MCTP1: variants seen among roughly 807,000 people sequenced by gnomAD.
MCTP1 encodes the protein multiple C2 and transmembrane domain containing 1.
A neutral mutation model predicts 120.6 loss-of-function variants in MCTP1; 69 were observed. The ratio of observed to expected loss-of-function variants is 0.57; its 90% CI spans 0.47 to 0.70. MCTP1 has a LOEUF of 0.70. Among genes scored for constraint, MCTP1 ranks in the 30% least tolerant of loss-of-function variants. The pLI, the probability that MCTP1 is intolerant of heterozygous loss-of-function variation, is 0.00. For synonymous variants in MCTP1, 529 were observed against 493.1 expected (o/e 1.07, Z -0.96); for missense variants, 1,203 against 1,248.8 (o/e 0.96, Z 0.55).
intron 1 of MCTP1, among the ~76,000 whole-genome samples, chr5:95,121,936 C>CAAAAAA (rs70978167): frequency 2.9e-4 from 33 of 112,572 alleles, no homozygotes; most frequent in East Asian, 6.1e-4. Context: ...TATCCATATG[C>CAAAAAA]AAAAAAAAAA....
chr5:94,844,281 G>A (rs181031135), intron 17 of MCTP1, among the ~76,000 whole-genome samples: 2,506 of 117,560 alleles, frequency 0.021, 80 homozygotes, highest in African/African-American at 0.078. Flanking sequence ...CAGCCTGGGC[G>A]ACAGAGTGAG....
intron 18 of MCTP1, chr5:94,793,718 T>C (rs909811725): frequency 2.0e-5 from 3 of 152,282 alleles, no homozygotes; most frequent in African/African-American, 7.2e-5. Context: ...CTGTTAGGAA[T>C]ACTTGACTTA....
chr5:94,811,232 T>C (rs1424594264), intron 17 of MCTP1, among the ~76,000 whole-genome samples: 2 of 152,212 alleles, frequency 1.3e-5, no homozygotes, highest in Non-Finnish European at 2.9e-5. Context: ...TGAATGTCTT[T>C]CTCCCATTTA....
chr5:95,219,428 A>C (rs1262902038), intron 1 of MCTP1, among the ~76,000 whole-genome samples: 1 of 152,166 alleles, frequency 6.6e-6, no homozygotes, highest in African/African-American at 2.4e-5. Context: ...TTTAAAACAC[A>C]AAATTTAGTT....
At chr5:95,006,353 G>T (rs1232346931) in intron 2 of MCTP1, among the ~76,000 whole-genome samples, 1 of 151,146 alleles carries the variant, frequency 6.6e-6, no homozygotes, top group Non-Finnish European at 1.5e-5. Context: ...GTGTATGGGT[G>T]TATTTGTATA....
chr5:95,060,118 C>T (rs1748542172), intron 1 of MCTP1, among the ~76,000 whole-genome samples: 1 of 152,120 alleles, frequency 6.6e-6, no homozygotes, highest in African/African-American at 2.4e-5. Context: ...CCTCACGTGC[C>T]CTCTAGCTCT....
At chr5:95,071,175 C>A (rs1453060947) in intron 1 of MCTP1, among the ~76,000 whole-genome samples, 1 of 152,184 alleles carries the variant, frequency 6.6e-6, no homozygotes, top group Non-Finnish European at 1.5e-5. Flanking sequence ...AAGGCTGTAG[C>A]CACAGGGATC....
chr5:95,040,569 C>T (rs1842170277), intron 1 of MCTP1, among the ~76,000 whole-genome samples: 1 of 152,028 alleles, frequency 6.6e-6, no homozygotes, highest in Non-Finnish European at 1.5e-5. Flanking sequence ...CTTGACAGTG[C>T]CTGGATAAAA....
chr5:94,911,966 T>G (rs1026166972), intron 9 of MCTP1, among the ~76,000 whole-genome samples: 6 of 152,174 alleles, frequency 3.9e-5, no homozygotes, highest in African/African-American at 7.2e-5. Context: ...TAGGTAGGCA[T>G]TATTTTAACT....
intron 1 of MCTP1, among the ~76,000 whole-genome samples, chr5:95,070,063 A>G (rs1345192918): frequency 6.6e-6 from 1 of 152,144 alleles, no homozygotes; most frequent in Non-Finnish European, 1.5e-5. Flanking sequence ...AGAAACCACA[A>G]TAGGGGAAGA....
At chr5:95,137,352 G>A (rs537407081) in intron 1 of MCTP1, among the ~76,000 whole-genome samples, 2 of 152,326 alleles carry the variant, frequency 1.3e-5, no homozygotes, top group South Asian at 2.1e-4. Flanking sequence ...TAACACGATA[G>A]TCCCTGGCTC....
chr5:95,183,251 A>G (rs2152518628), intron 1 of MCTP1, among the ~76,000 whole-genome samples: 1 of 152,088 alleles, frequency 6.6e-6, no homozygotes, highest in East Asian at 1.9e-4. Context: ...ATGAAAAATA[A>G]TAAACCTCAA....
At chr5:94,848,929 T>C (rs1793083713) in intron 17 of MCTP1, among the ~76,000 whole-genome samples, 1 of 151,856 alleles carries the variant, frequency 6.6e-6, no homozygotes, top group Non-Finnish European at 1.5e-5. Context: ...TACTAACAAT[T>C]TGAAATATGT....
intron 19 of MCTP1, among the ~76,000 whole-genome samples, chr5:94,716,133 G>C (rs1211951267): frequency 6.6e-6 from 1 of 152,168 alleles, no homozygotes; most frequent in East Asian, 1.9e-4. Context: ...GGACATGGAG[G>C]CCAGTTTTAT....
chr5:95,284,570 C>G lies in MCTP1; in HGVS notation c.6G>C (p.Glu2Asp). 3 of 1,433,398 alleles carry G rather than the reference C, an allele frequency of 2.1e-6. No homozygotes were observed. Among genetic ancestry groups the G allele is most frequent in the Non-Finnish European group, 2.7e-6 (3 of 1,106,708 alleles). The allele number at this position is 1,433,398 out of a possible 1,614,324, so 88.8% of individuals were successfully genotyped here. A position where few individuals can be genotyped will look rare whatever the true frequency, so the allele number is the denominator to read the frequency against. ...GCTCGCCCGCCGCGGCAGCCCGGGG[C>G]TCCATCCTCCACCCCCTGCTCCTCC... MEPRAAAAGEPE... is the reference protein window; with the variant it reads MDPRAAAAGEPE... The change falls in exon 1 of 23, where the codon GAG becomes GAC. Residue 2 changes from glutamate to aspartate, a missense_variant. This residue lies in a region of MCTP1 where 463 missense variants were observed against 377.8 expected (regional missense o/e 1.23). Coordinates refer to ENST00000515393, the MANE Select transcript of MCTP1 (RefSeq NM_024717.7). The surrounding 1 kb of genome is among the most constrained non-coding windows in gnomAD (Gnocchi z 5.2).
intron 3 of MCTP1, among the ~76,000 whole-genome samples, chr5:94,948,411 C>A (rs1819652065): frequency 6.6e-6 from 1 of 152,120 alleles, no homozygotes; most frequent in Non-Finnish European, 1.5e-5. Context: ...TGCCCACAAT[C>A]CAAAAGCAAG....
chr5:94,847,465 C>T (rs544503937), intron 17 of MCTP1, among the ~76,000 whole-genome samples: 6 of 151,908 alleles, frequency 3.9e-5, no homozygotes, highest in South Asian at 2.1e-4. Context: ...GTCAAATTTC[C>T]GATGTTTTAC....
intron 17 of MCTP1, among the ~76,000 whole-genome samples, chr5:94,835,126 A>T (rs1789443735): frequency 6.6e-6 from 1 of 152,124 alleles, no homozygotes; most frequent in Admixed American, 6.5e-5. Flanking sequence ...CCTATAACGC[A>T]TTCTCATTCT....
chr5:95,252,784 T>C (rs1757501225), intron 1 of MCTP1, among the ~76,000 whole-genome samples: 1 of 152,114 alleles, frequency 6.6e-6, no homozygotes, highest in African/African-American at 2.4e-5. Context: ...GTCATATTCT[T>C]AATTCTCATT....
Sources: allele counts gnomAD v4.1 joint callset (sites outside exome capture counted in the v4.1 genomes callset), GRCh38; gene constraint gnomAD v4.1.1; regional missense constraint gnomAD v4.1.1; non-coding constraint Gnocchi (gnomAD v3.1); transcripts MANE v1.5; gene names NCBI Gene and HGNC (gene_info 2026-07-23, HGNC 2026-07-21).